The following HK3 variants were observed in gnomAD, a reference collection of about 807,000 sequenced individuals.
HK3 encodes hexokinase 3.
In HK3, 93 loss-of-function variants were observed where a neutral mutation model predicts 91.0. That is an observed-to-expected ratio of 1.02 (90% CI 0.86 to 1.21). HK3 has a LOEUF of 1.21. Ranked by LOEUF, HK3 falls within the 50% of genes most tolerant of loss-of-function variation. HK3 has a pLI of 0.00. For synonymous variants in HK3, 519 were observed against 516.9 expected (o/e 1.00, Z -0.06); for missense variants, 1,235 against 1,247.4 (o/e 0.99, Z 0.15).
chr5:176,888,978 G>A, intron 8 of HK3, 114 bp from the exon 9 acceptor site: 1 of 1,236,518 alleles, frequency 8.1e-7, no homozygotes, highest in Non-Finnish European at 1.1e-6. Context: ...CCAAACTGGA[G>A]ACTCCAGAAG....
In HK3 at chr5:176,891,160, C is replaced by T. The variant is rs1239317230; in HGVS notation, c.291G>A (p.Gly97=). 2 of 1,614,168 alleles carry T rather than the reference C, an allele frequency of 1.2e-6. No individual in the cohort carries two copies. Among genetic ancestry groups the T allele is most frequent in the South Asian group, 1.1e-5 (1 of 91,088 alleles). ...EQGDFVVLEL[G]ATGASLRVLW... ...AAACACGCAGTGAGGCCCCTGTGGC[C>T]CCCAGCTCCAGCACCACGAAGTCTC... The change falls in exon 4 of 19, where the codon GGG becomes GGA. Residue 97 remains glycine (G), a synonymous_variant. Coordinates refer to ENST00000292432, the MANE Select transcript of HK3 (RefSeq NM_002115.3).
chr5:176,894,806 TC>T (rs1204229788), intron 2 of HK3, among the ~76,000 whole-genome samples: 1 of 147,108 alleles, frequency 6.8e-6, no homozygotes, highest in Non-Finnish European at 1.5e-5. Context: ...TGACAGAGTC[TC>T]GCTCTGTCAC....
intron 13 of HK3, 129 bp downstream of exon 13, chr5:176,886,873 C>A: frequency 9.4e-7 from 1 of 1,058,206 alleles, no homozygotes; most frequent in Non-Finnish European, 1.4e-6. Flanking sequence ...CCCAGCCCAG[C>A]AGTGCTGCCA....
At position 176,887,697 on chromosome 5, in the gene HK3, C is replaced by G. The variant is rs759805673; in HGVS notation, c.1354G>C (p.Asp452His). Reference sequence around the variant, plus strand: ...TCCACAGAGGGGATTAAGGAGACATCGCATTCCGGGGCCAGGAGCATCACT... The same window carrying G: ...TCCACAGAGGGGATTAAGGAGACATGGCATTCCGGGGCCAGGAGCATCACT... ...GTVMLLAPEC[D>H]VSLIPSVDGG... Residue 452 changes from aspartate (D) to histidine (H), a missense_variant, in exon 11 of 19, where the codon GAT (aspartate) becomes CAT (histidine). This residue lies in a region of HK3 where 717 missense variants were observed against 751.6 expected (regional missense o/e 0.95). Coordinates refer to ENST00000292432, the MANE Select transcript of HK3 (RefSeq NM_002115.3). The surrounding 1 kb of genome is among the most constrained non-coding windows in gnomAD (Gnocchi z 4.9). The G allele has an allele frequency of 6.2e-7, 1 of 1,613,224 alleles. No homozygotes were observed.
At position 176,884,863 on chromosome 5, in the gene HK3, G is replaced by A. The variant is rs1429137307; in HGVS notation, c.1858-729C>T. Among the ~76,000 whole-genome samples the A allele has an allele frequency of 6.6e-6, 1 of 152,166 alleles. No individual in the cohort carries two copies. The highest frequency in any genetic ancestry group is 1.5e-5 in the Non-Finnish European group (1 of 68,030). On this transcript the variant is annotated intron_variant, in intron 13 of 18. Transcript: ENST00000292432. The surrounding 1 kb of genome is among the most constrained non-coding windows in gnomAD (Gnocchi z 4.1). Reference sequence around the variant, plus strand: ...CTTTGCTCAGAGGAGGAGCATGGAGGGTAGGTCAGGAAATCTTTGGGGCAG... The same window carrying A: ...CTTTGCTCAGAGGAGGAGCATGGAGAGTAGGTCAGGAAATCTTTGGGGCAG...
chr5:176,896,963 A>G (rs956363256), intron 1 of HK3, among the ~76,000 whole-genome samples: 2 of 146,572 alleles, frequency 1.4e-5, no homozygotes, highest in African/African-American at 2.8e-5. Flanking sequence ...TTTAACAGTG[A>G]AGTGATGCAG....
rs1561683757 is a variant in HK3 at position 176,890,712 on chromosome 5, T to C, written c.553A>G (p.Thr185Ala). 1.2e-6 allele frequency: 2 copies of C among 1,614,110 alleles called. No homozygotes were observed. The change falls in exon 6 of 19, where the codon ACC (threonine) becomes GCC (alanine). Residue 185 changes from threonine to alanine, a missense_variant. By Grantham distance (58) the Thr-to-Ala change is moderately conservative. Transcript: ENST00000292432. ...GLDRSTLISW[T>A]KGFRCSGVEG... is the part of the protein sequence containing the mutation. ...ACACCACTGCACCTAAAACCTTTGGTCCAGGAAATGAGGGTGCTCTGGAGG... is the reference window on the plus strand; with the variant it reads ...ACACCACTGCACCTAAAACCTTTGGCCCAGGAAATGAGGGTGCTCTGGAGG...
At chr5:176,896,301 A>C in intron 1 of HK3, 116 bp from the exon 2 acceptor site, 1 of 496,882 alleles carries the variant, frequency 2.0e-6, no homozygotes, top group Non-Finnish European at 3.6e-6. Context: ...CTGGGAGCAG[A>C]ATTCAGAACC....
intron 13 of HK3, among the ~76,000 whole-genome samples, chr5:176,885,683 G>T (rs1758567142): frequency 6.6e-6 from 1 of 152,076 alleles, no homozygotes; most frequent in South Asian, 2.1e-4. Flanking sequence ...GACTCTCAAA[G>T]TGCTGGGATT....
In HK3 at chr5:176,889,000, C is replaced by T. The variant is rs995574558; in HGVS notation, c.915-136G>A. The T allele has an allele frequency of 1.0e-5, 10 of 972,092 alleles. No individual in the cohort carries two copies. In the East Asian group the frequency reaches 2.6e-4, roughly 25 times the overall value. The allele number at this position is 972,092 out of a possible 1,614,324, so 60.2% of individuals were successfully genotyped here. On this transcript the variant is annotated intron_variant, in intron 8 of 18. Transcript: ENST00000292432. ...GGAGACTCCAGAAGCAACGAATAGC[C>T]TCCCAGAGGACAGGTGGGTGTATGC... is the stretch of plus-strand genomic sequence containing the variant.
intron 6 of HK3, among the ~76,000 whole-genome samples, chr5:176,889,995 C>G (rs1236019330): frequency 6.6e-6 from 1 of 152,138 alleles, no homozygotes; most frequent in Non-Finnish European, 1.5e-5. Flanking sequence ...GACGTCCACC[C>G]TCACCATCTC....
rs201110208 is a variant in HK3, at chr5:176,887,249, G to A, written c.1689C>T (p.Ser563=). 352 of 1,614,074 alleles carry A rather than the reference G, an allele frequency of 2.2e-4. 2 individuals carry two copies. The highest frequency in any genetic ancestry group is 8.7e-5 in the Non-Finnish European group (103 of 1,180,006). ...CAGTCTCGGGAATGGAGTAGATCTC[G>A]CTGGTGATCTGCACGCCTGTGGTCA... ...VRVTTGVQIT[S]EIYSIPETVA... The change falls in exon 12 of 19, where the codon AGC becomes AGT. Residue 563 remains serine (S), a synonymous_variant. Coordinates refer to ENST00000292432, the MANE Select transcript of HK3 (RefSeq NM_002115.3). The surrounding 1 kb of genome is among the most constrained non-coding windows in gnomAD (Gnocchi z 4.9).
intron 10 of HK3, 128 bp downstream of exon 10, chr5:176,888,204 G>A: frequency 4.0e-6 from 3 of 756,170 alleles, no homozygotes; most frequent in Non-Finnish European, 6.7e-6. Context: ...GCTCAGTCTG[G>A]CCCTCCCTCT....
Position 176,881,332 on chromosome 5 carries a change from A to G in HK3, c.2597T>C (p.Val866Ala). The part of the protein sequence containing the change: ...GLEELAVSVG[V>A]DGTLYKLHPR... ...GTGCAGCTTGTAGAGCGTTCCATCCACCCCCACAGACACTGCCAGCTCTTC... is the reference window on the plus strand; with the variant it reads ...GTGCAGCTTGTAGAGCGTTCCATCCGCCCCCACAGACACTGCCAGCTCTTC... Residue 866 changes from valine (V) to alanine (A), a missense_variant, in exon 18 of 19, where the codon GTG becomes GCG. Physicochemically the swap from Val to Ala is moderately conservative, Grantham distance 64. Coordinates refer to ENST00000292432, the MANE Select transcript of HK3 (RefSeq NM_002115.3). 1 of 1,613,138 alleles carries G rather than the reference A, an allele frequency of 6.2e-7. No individual in the cohort carries two copies. Among genetic ancestry groups the G allele is most frequent in the Non-Finnish European group, 8.5e-7 (1 of 1,179,796 alleles).
Position 176,889,667 on chromosome 5 carries a change from C to T in HK3, c.708G>A (p.Pro236=), listed in dbSNP as rs112160979. ...CACCTACAACTAGCCCAACCTCACA[C>T]GGCCTGACCCCCGGCTCACAGCCCA... ...TMMGCEPGVR[P]CEVGLVVDTG... is the part of the protein sequence containing the mutation. Residue 236 remains proline (P), a synonymous_variant, in exon 7 of 19, where the codon CCG becomes CCA. Coordinates refer to ENST00000292432, the MANE Select transcript of HK3 (RefSeq NM_002115.3). 9,915 of 1,614,120 alleles carry T rather than the reference C, an allele frequency of 6.1e-3. 27 individuals are homozygous for T. Among genetic ancestry groups the T allele is most frequent in the Non-Finnish European group, 6.8e-3 (8,052 of 1,180,002 alleles).
Position 176,887,803 on chromosome 5 carries a change from T to A in HK3, c.1305-57A>T. 6.5e-7 allele frequency: 1 copy of A among 1,545,560 alleles called. No individual in the cohort carries two copies. The highest frequency in any genetic ancestry group is 8.8e-7 in the Non-Finnish European group (1 of 1,139,808). On this transcript the variant is annotated intron_variant, in intron 10 of 18. Transcript: ENST00000292432. This position sits in a 1 kb window ranked among gnomAD's most constrained non-coding sequence, Gnocchi z 4.9. ...CCCTGGACCCCCAGACACACACAGG[T>A]GTGCACGGCTTGGCCCTGGACCCCC...
In HK3 at chr5:176,889,395, A is replaced by T; in HGVS notation, c.900T>A (p.Asn300Lys). The change falls in exon 8 of 19, where the codon AAT (asparagine) becomes AAA (lysine). Residue 300 changes from asparagine to lysine, a missense_variant. Transcript: ENST00000292432. ...FDHTLDHESL[N>K]PGAQRFEKMI... ...TGCCAGGTCACCTCTGAGCACCAGG[A>T]TTCAGGGACTCATGGTCCAGGGTAT... 6.2e-7 allele frequency: 1 copy of T among 1,614,008 alleles called. No homozygotes were observed. The highest frequency in any genetic ancestry group is 8.5e-7 in the Non-Finnish European group (1 of 1,179,960).
chr5:176,889,417 GTA>G lies in HK3; in HGVS notation c.876_877del (p.Thr293ProfsTer4). ...AGGATTCAGGGACTCATGGTCCAGG[GTA>G]TGGTCGAAGGTGGTCAGCACTGGTC... is the stretch of plus-strand genomic sequence containing the variant. On this transcript the variant is annotated frameshift_variant, in exon 8 of 19. Transcript: ENST00000292432. LOFTEE classifies it high-confidence loss of function. 6.2e-7 allele frequency: 1 copy of G among 1,614,176 alleles called. No homozygotes were observed. The highest frequency in any genetic ancestry group is 8.5e-7 in the Non-Finnish European group (1 of 1,180,024).
chr5:176,890,931 A>G lies in HK3; in HGVS notation c.425T>C (p.Phe142Ser), dbSNP rs1758750039. Residue 142 changes from phenylalanine (F) to serine (S), a missense_variant, in exon 5 of 19, where the codon TTT becomes TCT. Physicochemically the swap from Phe to Ser is radical, Grantham distance 155. Around this residue, in one of 3 missense-constraint regions of HK3, gnomAD observed 717 missense variants for 751.6 expected, o/e 0.95. Coordinates refer to ENST00000292432, the MANE Select transcript of HK3 (RefSeq NM_002115.3). ...GAACTCAGACAGGCAGTGGGCAGCA[A>G]AGTCAAAGAGCTGCAGGAGAAGTGG... ...MLGAGQQLFD[F>S]AAHCLSEFLD... The G allele has an allele frequency of 2.5e-6, 4 of 1,614,024 alleles. No individual in the cohort carries two copies. Among genetic ancestry groups the G allele is most frequent in the Middle Eastern group, 3.3e-4 (2 of 6,062 alleles).
Sources: gnomAD v4.1 joint callset for allele counts (sites outside exome capture counted in the v4.1 genomes callset) on GRCh38, gnomAD v4.1.1 for gene constraint, gnomAD v4.1.1 regional missense constraint, Gnocchi (gnomAD v3.1) non-coding constraint, MANE v1.5 for transcripts, NCBI Gene and HGNC (gene_info 2026-07-23, HGNC 2026-07-21) for gene names.